PHF21A: variants seen among roughly 807,000 people sequenced by gnomAD.
PHF21A encodes PHD finger protein 21A, also known as BHC80a.
In PHF21A, 11 loss-of-function variants were observed where a neutral mutation model predicts 82.5. The ratio of observed to expected loss-of-function variants is 0.13; its 90% CI spans 0.08 to 0.22. PHF21A has a LOEUF of 0.22. PHF21A is among the 10% of genes least tolerant of loss of function. The pLI, the probability that PHF21A is intolerant of heterozygous loss-of-function variation, is 1.00. For synonymous variants in PHF21A, 297 were observed against 302.8 expected (o/e 0.98, Z 0.20); for missense variants, 579 against 837.8 (o/e 0.69, Z 3.81).
chr11:45,937,891 C>G (rs1026017436), intron 16 of PHF21A, among the ~76,000 whole-genome samples: 1 of 152,200 alleles, frequency 6.6e-6, no homozygotes, highest in Admixed American at 6.5e-5. Context: ...ATGAGGCACA[C>G]TGGACTTTAA....
intron 6 of PHF21A, among the ~76,000 whole-genome samples, chr11:45,996,504 T>C (rs1190773423): frequency 6.6e-6 from 1 of 152,132 alleles, no homozygotes; most frequent in African/African-American, 2.4e-5. Context: ...TTTCCCTTTT[T>C]GAGAGACAGA....
intron 6 of PHF21A, among the ~76,000 whole-genome samples, chr11:46,065,211 G>T (rs1459281789): frequency 6.6e-6 from 1 of 152,150 alleles, no homozygotes; most frequent in African/African-American, 2.4e-5. Context: ...ATCAGTCTTG[G>T]ACTCCTCCTT....
At chr11:46,090,283 C>T (rs1565939508) in intron 3 of PHF21A, among the ~76,000 whole-genome samples, 172 bp downstream of exon 3, 1 of 152,030 alleles carries the variant, frequency 6.6e-6, no homozygotes, top group African/African-American at 2.4e-5. Flanking sequence ...ACAAGCCTGG[C>T]CAGAATCTTA....
chr11:46,097,469 T>C (rs147840395), intron 1 of PHF21A, among the ~76,000 whole-genome samples: 2,785 of 152,312 alleles, frequency 0.018, 165 homozygotes, highest in Admixed American at 0.11. Context: ...AATATCTTCA[T>C]GGCTCACTCC....
intron 6 of PHF21A, among the ~76,000 whole-genome samples, chr11:46,023,195 C>T (rs1015549628): frequency 6.6e-6 from 1 of 152,112 alleles, no homozygotes. Flanking sequence ...TGAAAGAAGC[C>T]AGGGACTTAT....
intron 1 of PHF21A, among the ~76,000 whole-genome samples, chr11:46,100,559 T>C (rs1415479897): frequency 1.3e-5 from 2 of 152,168 alleles, no homozygotes; most frequent in Non-Finnish European, 2.9e-5. Flanking sequence ...AGAGGGAACT[T>C]ATTAAAGGTC....
intron 6 of PHF21A, among the ~76,000 whole-genome samples, chr11:46,041,171 T>A (rs1008311578): frequency 2.6e-5 from 4 of 152,140 alleles, no homozygotes; most frequent in African/African-American, 9.7e-5. Flanking sequence ...ACCACCACAG[T>A]TTCAAATACA....
chr11:46,120,456 G>C (rs1288867405), intron 1 of PHF21A: 1 of 128,636 alleles, frequency 7.8e-6, no homozygotes, highest in Non-Finnish European at 1.7e-5. Flanking sequence ...CGCCGCCCCC[G>C]GCACGCCGCC....
chr11:46,119,427 G>A (rs1852350372), intron 1 of PHF21A, among the ~76,000 whole-genome samples: 1 of 152,150 alleles, frequency 6.6e-6, no homozygotes, highest in African/African-American at 2.4e-5. Flanking sequence ...ATGTGGACGT[G>A]CAGAGTGAGA....
At chr11:45,967,266 G>T (rs1438518081) in intron 9 of PHF21A, among the ~76,000 whole-genome samples, 4 of 151,972 alleles carry the variant, frequency 2.6e-5, no homozygotes, top group Non-Finnish European at 5.9e-5. Flanking sequence ...TACTTGAGAG[G>T]CTGAGACATA....
chr11:46,110,917 C>A (rs998984604), intron 1 of PHF21A, among the ~76,000 whole-genome samples: 7 of 151,700 alleles, frequency 4.6e-5, no homozygotes, highest in African/African-American at 1.7e-4. Context: ...TCCCGAGTAG[C>A]TGGGATTACA....
At position 46,063,865 on chromosome 11, in the gene PHF21A, T is replaced by C. The variant is rs935763136; in HGVS notation, c.153+12889A>G. Reference sequence around the variant, plus strand: ...CATCATAGGATAAGCAGAAATCAGTTTTTATGACAGATGTTTATAAATGTT... The same window carrying C: ...CATCATAGGATAAGCAGAAATCAGTCTTTATGACAGATGTTTATAAATGTT... On this transcript the variant is annotated intron_variant, in intron 6 of 18. Transcript: ENST00000676320. 5.9e-5 allele frequency among the ~76,000 whole-genome samples: 9 copies of C among 152,236 alleles called. No homozygotes were observed. In the East Asian group the frequency reaches 1.7e-3, roughly 29 times the overall value.
At chr11:46,069,955 G>A (rs762387866) in intron 6 of PHF21A, among the ~76,000 whole-genome samples, 12 of 152,116 alleles carry the variant, frequency 7.9e-5, no homozygotes, top group Admixed American at 3.3e-4. Flanking sequence ...ATGGATACAC[G>A]TGCATTAACT....
At chr11:46,035,941 TA>T (rs2095992831) in intron 6 of PHF21A, among the ~76,000 whole-genome samples, 1 of 152,218 alleles carries the variant, frequency 6.6e-6, no homozygotes, top group Non-Finnish European at 1.5e-5. Context: ...AGCAACCATT[TA>T]AATTTGCATT....
chr11:46,031,385 C>A (rs2138320883), intron 6 of PHF21A, among the ~76,000 whole-genome samples: 1 of 152,210 alleles, frequency 6.6e-6, no homozygotes, highest in East Asian at 1.9e-4. Flanking sequence ...TTGATTATGT[C>A]ACTTCCTTGG....
chr11:46,075,298 T>C (rs1451251475), intron 6 of PHF21A, among the ~76,000 whole-genome samples: 1 of 152,210 alleles, frequency 6.6e-6, no homozygotes, highest in Non-Finnish European at 1.5e-5. Flanking sequence ...TAAGTTATCT[T>C]AACTTTGCAA....
At position 46,121,102 on chromosome 11, in the gene PHF21A, G is replaced by C. The variant is rs935915898; in HGVS notation, c.-404C>G. On this transcript the variant is annotated 5_prime_UTR_variant, in exon 1 of 19. The change creates a new upstream start codon in the 5' untranslated region. Coordinates refer to ENST00000676320, the MANE Select transcript of PHF21A (RefSeq NM_001352027.3). ...TGCTCTGGGCCTCTCGCACTTTTTA[G>C]ATATTAGTGTGTTAAGATGGTAGGT... The C allele has an allele frequency of 2.6e-5, 4 of 153,268 alleles. No homozygotes were observed. Among genetic ancestry groups the C allele is most frequent in the Non-Finnish European group, 5.8e-5 (4 of 69,304 alleles). The allele number at this position is 153,268 out of a possible 1,614,324, so 9.5% of individuals were successfully genotyped here. A position where few individuals can be genotyped will look rare whatever the true frequency, so the allele number is the denominator to read the frequency against.
chr11:45,944,879 G>A (rs2091050776), intron 15 of PHF21A, among the ~76,000 whole-genome samples: 1 of 152,186 alleles, frequency 6.6e-6, no homozygotes, highest in African/African-American at 2.4e-5. Context: ...GGATTCTCCT[G>A]CCTCAGCCTC....
At chr11:45,944,431 T>A (rs899696061) in intron 15 of PHF21A, among the ~76,000 whole-genome samples, 6 of 152,110 alleles carry the variant, frequency 3.9e-5, no homozygotes, top group South Asian at 2.1e-4. Flanking sequence ...GGTTTGAAAA[T>A]TTTCAAAATA....
Sources: gnomAD v4.1 joint callset for allele counts (sites outside exome capture counted in the v4.1 genomes callset) on GRCh38, gnomAD v4.1.1 for gene constraint, MANE v1.5 for transcripts, NCBI Gene and HGNC (gene_info 2026-07-23, HGNC 2026-07-21) for gene names.